Variants in PDS5A observed in about 807,000 individuals in gnomAD.
PDS5A encodes the protein sister chromatid cohesion protein PDS5 homolog A.
PDS5A carries 42 observed loss-of-function variants against 167.1 expected under a neutral mutation model. The observed-to-expected ratio is 0.25, with a 90% CI of 0.20 to 0.33. PDS5A has a LOEUF of 0.33. PDS5A is among the 10% of genes least tolerant of loss of function. The pLI is 1.00. For synonymous variants in PDS5A, 553 were observed against 554.6 expected (o/e 1.00, Z 0.04); for missense variants, 1,033 against 1,605.9 (o/e 0.64, Z 6.10).
At chr4:39,895,638 C>T (rs939406562) in intron 16 of PDS5A, among the ~76,000 whole-genome samples, 1 of 152,166 alleles carries the variant, frequency 6.6e-6, no homozygotes, top group Non-Finnish European at 1.5e-5. Context: ...GATATTTAAA[C>T]ACTTTTTCTT....
intron 2 of PDS5A, among the ~76,000 whole-genome samples, chr4:39,974,630 C>T (rs1332384890): frequency 1.3e-5 from 2 of 152,132 alleles, no homozygotes; most frequent in Middle Eastern, 3.4e-3. Flanking sequence ...TCAAAACTTC[C>T]GCCTCCCGGG....
At chr4:39,953,935 G>A (rs1312428279) in intron 2 of PDS5A, among the ~76,000 whole-genome samples, 1 of 152,104 alleles carries the variant, frequency 6.6e-6, no homozygotes, top group East Asian at 1.9e-4. Flanking sequence ...AAACTTCAGT[G>A]TCCTAATGAA....
At chr4:39,956,631 A>T (rs1225954900) in intron 2 of PDS5A, among the ~76,000 whole-genome samples, 1 of 151,970 alleles carries the variant, frequency 6.6e-6, no homozygotes, top group African/African-American at 2.4e-5. Flanking sequence ...CCCTTTCTTC[A>T]AAGCTTTATA....
chr4:39,854,350 C>T (rs1274518449), intron 26 of PDS5A, among the ~76,000 whole-genome samples: 1 of 152,048 alleles, frequency 6.6e-6, no homozygotes, highest in Admixed American at 6.6e-5. Flanking sequence ...AGTAATTATC[C>T]CATTGTTTTG....
intron 2 of PDS5A, among the ~76,000 whole-genome samples, chr4:39,954,243 C>T (rs182494464): frequency 8.9e-4 from 135 of 151,958 alleles, no homozygotes; most frequent in Non-Finnish European, 1.3e-3. Context: ...GCCTGTAGTC[C>T]CAGTTACTTA....
intron 6 of PDS5A, among the ~76,000 whole-genome samples, 169 bp downstream of exon 6, chr4:39,922,453 T>C (rs971227864): frequency 2.0e-5 from 3 of 152,230 alleles, no homozygotes; most frequent in Non-Finnish European, 2.9e-5. Context: ...AATCAATATA[T>C]TTTGTAAAAA....
At chr4:39,938,978 A>G (rs1726951697) in intron 2 of PDS5A, among the ~76,000 whole-genome samples, 1 of 152,102 alleles carries the variant, frequency 6.6e-6, no homozygotes, top group African/African-American at 2.4e-5. Flanking sequence ...AAAAAAAAAA[A>G]GCAATAATAC....
rs760411485 is a variant in PDS5A, at chr4:39,973,718, A to G, written c.138+2722T>C. 3.1e-6 allele frequency: 4 copies of G among 1,286,952 alleles called. No individual in the cohort carries two copies. In the African/African-American group the frequency reaches 5.8e-5, roughly 19 times the overall value. The allele number at this position is 1,286,952 out of a possible 1,614,324, so 79.7% of individuals were successfully genotyped here. A position where few individuals can be genotyped will look rare whatever the true frequency, so the allele number is the denominator to read the frequency against. ...GAAGAGTGCCAGGCTCACTTCACTAACCAGCATATGCAGAGAATGGCAAGT... is the reference window on the plus strand; with the variant it reads ...GAAGAGTGCCAGGCTCACTTCACTAGCCAGCATATGCAGAGAATGGCAAGT... On this transcript the variant is annotated intron_variant, in intron 2 of 32. Coordinates refer to ENST00000303538, the MANE Select transcript of PDS5A (RefSeq NM_001100399.2).
chr4:39,953,190 G>A (rs1728576097), intron 2 of PDS5A, among the ~76,000 whole-genome samples: 5 of 152,126 alleles, frequency 3.3e-5, no homozygotes, highest in Admixed American at 3.3e-4. Flanking sequence ...TCTACCTTAG[G>A]ACACAACAAC....
chr4:39,954,670 T>TAAAAAAAAAA (rs777287409), intron 2 of PDS5A, among the ~76,000 whole-genome samples: 13 of 48,274 alleles, frequency 2.7e-4, no homozygotes, highest in African/African-American at 5.6e-4. Context: ...AAGAGATAAG[T>TAAAAAAAAAA]AAAAAAAAAA....
chr4:39,830,201 C>A (rs1029448164), intron 32 of PDS5A, among the ~76,000 whole-genome samples: 1 of 151,968 alleles, frequency 6.6e-6, no homozygotes, highest in Non-Finnish European at 1.5e-5. Context: ...CCTACTGTCA[C>A]TACTAATACA....
At chr4:39,967,632 G>C (rs943760215) in intron 2 of PDS5A, among the ~76,000 whole-genome samples, 1 of 151,428 alleles carries the variant, frequency 6.6e-6, no homozygotes, top group Non-Finnish European at 1.5e-5. Flanking sequence ...GGGCGACAGA[G>C]CAAGACTCCA....
At chr4:39,929,060 G>T (rs1725723208) in intron 2 of PDS5A, among the ~76,000 whole-genome samples, 1 of 152,016 alleles carries the variant, frequency 6.6e-6, no homozygotes, top group Non-Finnish European at 1.5e-5. Flanking sequence ...CTGTAATTAT[G>T]CAAATAACTA....
intron 22 of PDS5A, among the ~76,000 whole-genome samples, chr4:39,867,504 C>G (rs1719573761): frequency 2.0e-5 from 3 of 149,352 alleles, no homozygotes; most frequent in African/African-American, 5.0e-5. Context: ...ACCAGCCTAG[C>G]CAACATGGTG....
At chr4:39,836,108 C>T (rs913143049) in intron 32 of PDS5A, among the ~76,000 whole-genome samples, 1 of 152,150 alleles carries the variant, frequency 6.6e-6, no homozygotes, top group Non-Finnish European at 1.5e-5. Context: ...CTTTGCTAGG[C>T]GCTTTCTTTA....
chr4:39,930,768 C>G (rs1489340637), intron 2 of PDS5A, among the ~76,000 whole-genome samples: 2 of 151,646 alleles, frequency 1.3e-5, no homozygotes, highest in Non-Finnish European at 2.9e-5. Context: ...TTATTTCTTC[C>G]CTAAATATTT....
chr4:39,868,716 C>G (rs776566805), intron 22 of PDS5A: 41 of 454,100 alleles, frequency 9.0e-5, no homozygotes, highest in Non-Finnish European at 1.7e-4. Flanking sequence ...AGCGATCCTC[C>G]TGCTCTGCCT....
At chr4:39,833,554 A>C (rs1403921138) in intron 32 of PDS5A, among the ~76,000 whole-genome samples, 2 of 151,786 alleles carry the variant, frequency 1.3e-5, no homozygotes, top group African/African-American at 4.8e-5. Context: ...CACCTGGCTA[A>C]TTTTTCTATT....
intron 22 of PDS5A, among the ~76,000 whole-genome samples, chr4:39,867,735 C>A (rs1213016772): frequency 6.3e-5 from 1 of 15,842 alleles, no homozygotes; most frequent in African/African-American, 1.0e-4. Flanking sequence ...AAAACCAAAA[C>A]ACACACACAC....
Sources: allele counts gnomAD v4.1 joint callset (sites outside exome capture counted in the v4.1 genomes callset), GRCh38; gene constraint gnomAD v4.1.1; transcripts MANE v1.5; gene names NCBI Gene and HGNC (gene_info 2026-07-23, HGNC 2026-07-21).